The following NIN variants were observed in gnomAD, a reference collection of about 807,000 sequenced individuals.
NIN encodes the protein glycogen synthase kinase 3 beta-interacting protein.
NIN carries 137 observed loss-of-function variants against 257.6 expected under a neutral mutation model. The ratio of observed to expected loss-of-function variants is 0.53; its 90% CI spans 0.46 to 0.61. The LOEUF (loss-of-function observed/expected upper bound fraction) is 0.61, where lower values mean the gene tolerates loss of function less well. Ranked by LOEUF, NIN falls within the 20% of genes least tolerant of loss-of-function variation. The pLI, the probability that NIN is intolerant of heterozygous loss-of-function variation, is 0.00. For synonymous variants in NIN, 918 were observed against 919.8 expected (o/e 1.00, Z 0.04); for missense variants, 2,439 against 2,501.2 (o/e 0.98, Z 0.53).
intron 2 of NIN, among the ~76,000 whole-genome samples, chr14:50,825,119 G>C (rs1363682387): frequency 2.0e-5 from 3 of 152,202 alleles, no homozygotes; most frequent in Non-Finnish European, 4.4e-5. Context: ...GCAAGCGAGA[G>C]TGGCTAATTC....
chr14:50,771,457 G>A lies in NIN; in HGVS notation c.993C>T (p.Phe331=), dbSNP rs746580599. 1.2e-5 allele frequency: 19 copies of A among 1,614,040 alleles called. No individual in the cohort carries two copies. The highest frequency in any genetic ancestry group is 1.6e-5 in the Non-Finnish European group (19 of 1,179,952). ...TCAAATTGATGTTTCCATCGAGGCT[G>A]AAATCCAAGGCCTAGAAATCAGAGC... ...NSQEILKALD[F]SLDGNINLTE... is the part of the protein sequence containing the mutation. The change falls in exon 10 of 31, where the codon TTC becomes TTT. Residue 331 remains phenylalanine, a synonymous_variant. Coordinates refer to ENST00000530997, the MANE Select transcript of NIN (RefSeq NM_020921.4).
Position 50,773,053 on chromosome 14 carries a change from T to C in NIN, c.709A>G (p.Met237Val). The C allele has an allele frequency of 6.2e-7, 1 of 1,613,180 alleles. No individual in the cohort carries two copies. Among genetic ancestry groups the C allele is most frequent in the Non-Finnish European group, 8.5e-7 (1 of 1,179,258 alleles). Residue 237 changes from methionine to valine, a missense_variant, in exon 8 of 31, where the codon ATG becomes GTG. Physicochemically the swap from Met to Val is conservative, Grantham distance 21 (BLOSUM62 1). Transcript: ENST00000530997. Reference sequence around the variant, plus strand: ...CCATAGAAAAAATCTTCTACACTCATTGTACCGTCAGGATCAAGATTATGG... The same window carrying C: ...CCATAGAAAAAATCTTCTACACTCACTGTACCGTCAGGATCAAGATTATGG... Reference protein sequence around the residue: ...VFHNLDPDGTMSVEDFFYGLF... With the variant: ...VFHNLDPDGTVSVEDFFYGLF...
chr14:50,739,144 TTA>T (rs765156979), intron 26 of NIN, among the ~76,000 whole-genome samples, 162 bp downstream of exon 26: 140 of 152,308 alleles, frequency 9.2e-4, no homozygotes, highest in Non-Finnish European at 1.6e-3. Context: ...CAGGATAAAA[TTA>T]TATGTGAGTA....
intron 12 of NIN, among the ~76,000 whole-genome samples, chr14:50,767,687 G>C (rs980150734): frequency 2.1e-4 from 32 of 151,956 alleles, no homozygotes; most frequent in Middle Eastern, 3.4e-3. Flanking sequence ...TGTGGTGGCG[G>C]GCGCCTGTAG....
intron 22 of NIN, among the ~76,000 whole-genome samples, chr14:50,746,445 G>C (rs188698668): frequency 2.4e-3 from 365 of 152,210 alleles, no homozygotes; most frequent in African/African-American, 8.1e-3. Context: ...ACTATACTAG[G>C]CATTATGAAA....
At chr14:50,811,198 T>G (rs1566872741) in intron 3 of NIN, among the ~76,000 whole-genome samples, 1 of 149,576 alleles carries the variant, frequency 6.7e-6, no homozygotes, top group Non-Finnish European at 1.5e-5. Flanking sequence ...AACCTCCACC[T>G]CCCGGGTTCA....
intron 16 of NIN, among the ~76,000 whole-genome samples, chr14:50,761,083 G>A (rs74051916): frequency 0.016 from 2,449 of 152,202 alleles, 70 homozygotes; most frequent in African/African-American, 0.055. Context: ...GGAGAAACCA[G>A]TCTAGACATG....
chr14:50,735,935 A>G (rs2040953330), intron 27 of NIN, among the ~76,000 whole-genome samples: 1 of 152,180 alleles, frequency 6.6e-6, no homozygotes, highest in African/African-American at 2.4e-5. Context: ...ATATCACTGA[A>G]ATATCCTTAC....
intron 30 of NIN, chr14:50,724,126 C>A: frequency 5.2e-6 from 1 of 191,074 alleles, no homozygotes; most frequent in East Asian, 8.6e-5. Context: ...TGTATTATAA[C>A]AGAGATAAGA....
At chr14:50,765,063 T>TTAA (rs1387203575) in intron 14 of NIN, among the ~76,000 whole-genome samples, 273 of 82,044 alleles carry the variant, frequency 3.3e-3, no homozygotes, top group Admixed American at 0.013. Context: ...TGTCTCTACT[T>TTAA]AAAAAAAAAA....
rs757522259 is a variant in NIN, at chr14:50,760,305, G to C, written c.1951C>G (p.Gln651Glu). The change falls in exon 17 of 31, where the codon CAG (glutamine) becomes GAG (glutamate). Residue 651 changes from glutamine to glutamate, a missense_variant. By Grantham distance (29) the Gln-to-Glu change is conservative. Coordinates refer to ENST00000530997, the MANE Select transcript of NIN (RefSeq NM_020921.4). ...TCATGCCTTTGCTTCATGTTCTCCTGTGCCTTCTTGCAGCTGACCACGGTT... is the reference window on the plus strand; with the variant it reads ...TCATGCCTTTGCTTCATGTTCTCCTCTGCCTTCTTGCAGCTGACCACGGTT... ...DETVVSCKKA[Q>E]ENMKQRHENE... 10 of 1,608,394 alleles carry C rather than the reference G, an allele frequency of 6.2e-6. No individual in the cohort carries two copies. In the Admixed American group the frequency reaches 6.7e-5, roughly 11 times the overall value.
rs905899611 is a variant in NIN, at chr14:50,721,214, A to T, written c.*2249T>A. 4 of 202,592 alleles carry T rather than the reference A, an allele frequency of 2.0e-5. No homozygotes were observed. The highest frequency in any genetic ancestry group is 9.2e-5 in the African/African-American group (4 of 43,620). 12.5% of individuals were successfully genotyped at this position (202,592 alleles called of 1,614,324 possible). On this transcript the variant is annotated 3_prime_UTR_variant, in exon 31 of 31. Transcript: ENST00000530997. ...ATAAAATGAGAAATTAAGCACCTAG[A>T]TGTTGGTTAAATTCATTTGAGCAGC...
intron 5 of NIN, among the ~76,000 whole-genome samples, chr14:50,783,166 G>A (rs765184303): frequency 3.3e-5 from 5 of 151,750 alleles, no homozygotes; most frequent in South Asian, 2.1e-4. Context: ...GTGATCCTCC[G>A]GCCCTCCCCG....
chr14:50,733,328 T>C (rs1245213079), intron 28 of NIN, among the ~76,000 whole-genome samples: 2 of 152,170 alleles, frequency 1.3e-5, no homozygotes, highest in Non-Finnish European at 2.9e-5. Context: ...CCTGACCTTG[T>C]GAACCACCTG....
At chr14:50,745,053 C>T (rs543932747) in intron 22 of NIN, among the ~76,000 whole-genome samples, 30 of 152,334 alleles carry the variant, frequency 2.0e-4, no homozygotes, top group African/African-American at 5.5e-4. Context: ...AAGGTGCCTA[C>T]GCTGACTGGC....
chr14:50,720,853 A>T lies in NIN; in HGVS notation c.*2610T>A, dbSNP rs2040257437. 2 of 199,984 alleles carry T rather than the reference A, an allele frequency of 1.0e-5. No homozygotes were observed. Among genetic ancestry groups the T allele is most frequent in the South Asian group, 3.8e-4 (2 of 5,242 alleles). The allele number at this position is 199,984 out of a possible 1,614,324, so 12.4% of individuals were successfully genotyped here. ...GCAAACTTGATTCCCTTTTCTTGAA[A>T]CGAAGATCCCATCTTCTGAGACGAT... is the stretch of plus-strand genomic sequence containing the variant. On this transcript the variant is annotated 3_prime_UTR_variant, in exon 31 of 31. Transcript: ENST00000530997.
At chr14:50,746,073 G>A (rs2041523748) in intron 22 of NIN, among the ~76,000 whole-genome samples, 2 of 147,486 alleles carry the variant, frequency 1.4e-5, no homozygotes, top group South Asian at 4.3e-4. Context: ...CGTGCTGAAT[G>A]ACATCCCCAT....
chr14:50,731,287 T>C lies in NIN; in HGVS notation c.5878-1564A>G, dbSNP rs185773155. Among the ~76,000 whole-genome samples, 459 of 152,190 alleles carry C rather than the reference T, an allele frequency of 3.0e-3. 2 individuals carry two copies. Among genetic ancestry groups the C allele is most frequent in the Non-Finnish European group, 3.6e-3 (245 of 67,996 alleles). ...GCTCATGCCTGTAATCCCAACACTT[T>C]GGGAGGCCGAGGTGGGCGGATCACT... On this transcript the variant is annotated intron_variant, in intron 28 of 30. Coordinates refer to ENST00000530997, the MANE Select transcript of NIN (RefSeq NM_020921.4).
At chr14:50,827,850 C>T (rs1005765078) in intron 2 of NIN, among the ~76,000 whole-genome samples, 7 of 151,030 alleles carry the variant, frequency 4.6e-5, no homozygotes, top group African/African-American at 1.2e-4. Flanking sequence ...AGCGTTTATT[C>T]GAAAATGTAA....
Sources: allele counts gnomAD v4.1 joint callset (sites outside exome capture counted in the v4.1 genomes callset), GRCh38; gene constraint gnomAD v4.1.1; transcripts MANE v1.5; gene names NCBI Gene and HGNC (gene_info 2026-07-23, HGNC 2026-07-21).